BCKDHB: variants seen among roughly 807,000 people sequenced by gnomAD.
The protein encoded by BCKDHB is branched chain keto acid dehydrogenase E1 subunit beta, also known as 2-oxoisovalerate dehydrogenase subunit beta, mitochondrial.
BCKDHB carries 41 observed loss-of-function variants against 48.5 expected under a neutral mutation model. That is an observed-to-expected ratio of 0.85 (90% CI 0.66 to 1.10). The LOEUF is 1.10. BCKDHB is among the 50% of genes least tolerant of loss of function. The probability of loss-of-function intolerance (pLI) is 0.00; values close to 1 mark genes in which losing one functional copy is unlikely to be tolerated. For synonymous variants in BCKDHB, 201 were observed against 174.8 expected (o/e 1.15, Z -1.18); for missense variants, 496 against 494.2 (o/e 1.00, Z -0.03).
the BCKDHB span, among the ~76,000 whole-genome samples, chr6:80,427,830 A>AT: frequency 4.6e-5 from 7 of 151,816 alleles, no homozygotes; most frequent in Non-Finnish European, 8.8e-5. Context: ...AGTTGTTCAT[A>AT]TTTTTTTCCC....
chr6:80,224,605 A>T lies in BCKDHB; in HGVS notation c.951+21393A>T, dbSNP rs149169400. Among the ~76,000 whole-genome samples the T allele has an allele frequency of 1.6e-3, 249 of 152,260 alleles. 1 individual carries two copies. Among genetic ancestry groups the T allele is most frequent in the African/African-American group, 5.8e-3 (239 of 41,550 alleles). On this transcript the variant is annotated intron_variant, in intron 8 of 9. Transcript: ENST00000320393. ...GAGACGGGCTTTCGCCATGTTGCCT[A>T]GGCTGGTCTTGAACTCCTGAGCTCA...
chr6:80,244,229 T>C (rs1264427746), intron 8 of BCKDHB, among the ~76,000 whole-genome samples: 1 of 148,988 alleles, frequency 6.7e-6, no homozygotes, highest in African/African-American at 2.5e-5. Context: ...GTCTGGGGAC[T>C]GTGTGTGTGT....
intron 9 of BCKDHB, among the ~76,000 whole-genome samples, chr6:80,281,016 A>T (rs1778170545): frequency 7.5e-6 from 1 of 134,078 alleles, no homozygotes; most frequent in African/African-American, 2.9e-5. Context: ...TCATTGAAGA[A>T]CAGGTGTATG....
chr6:80,278,845 A>G (rs1253449683), intron 9 of BCKDHB, among the ~76,000 whole-genome samples: 1 of 152,070 alleles, frequency 6.6e-6, no homozygotes, highest in African/African-American at 2.4e-5. Context: ...CTTTCCTGGG[A>G]CGTCTCAACC....
intron 9 of BCKDHB, among the ~76,000 whole-genome samples, chr6:80,317,605 A>G (rs1268066516): frequency 6.6e-6 from 1 of 152,188 alleles, no homozygotes. Flanking sequence ...CCAGGCTACT[A>G]TTCCCATCTC....
At chr6:80,326,852 C>A (rs560850690) in intron 9 of BCKDHB, among the ~76,000 whole-genome samples, 2 of 151,718 alleles carry the variant, frequency 1.3e-5, no homozygotes, top group Non-Finnish European at 2.9e-5. Flanking sequence ...GGCAACAGAG[C>A]GAGACTCAGT....
intron 8 of BCKDHB, among the ~76,000 whole-genome samples, chr6:80,252,995 C>G (rs1370799260): frequency 6.6e-6 from 1 of 152,202 alleles, no homozygotes; most frequent in Non-Finnish European, 1.5e-5. Flanking sequence ...TCATGGCTAT[C>G]TTTTACATTG....
chr6:80,308,549 A>T (rs1224149745), intron 9 of BCKDHB, among the ~76,000 whole-genome samples: 1 of 151,836 alleles, frequency 6.6e-6, no homozygotes, highest in Non-Finnish European at 1.5e-5. Flanking sequence ...CTCAGATTAA[A>T]TGGGGAAAAA....
intron 3 of BCKDHB, among the ~76,000 whole-genome samples, chr6:80,138,770 C>T (rs1169419113): frequency 6.6e-6 from 1 of 152,140 alleles, no homozygotes; most frequent in Non-Finnish European, 1.5e-5. Context: ...CATACGTGTG[C>T]ATGTGTCTTT....
intron 6 of BCKDHB, among the ~76,000 whole-genome samples, chr6:80,187,725 A>C (rs1218701305): frequency 6.6e-6 from 1 of 152,204 alleles, no homozygotes; most frequent in Non-Finnish European, 1.5e-5. Context: ...CATACGAGAA[A>C]ATGCTCAACA....
At chr6:80,316,585 A>C (rs1768457101) in intron 9 of BCKDHB, among the ~76,000 whole-genome samples, 1 of 152,214 alleles carries the variant, frequency 6.6e-6, no homozygotes, top group African/African-American at 2.4e-5. Flanking sequence ...AATGGAGAAA[A>C]TTATGAAATC....
chr6:80,266,861 A>G (rs1435867938), intron 8 of BCKDHB, among the ~76,000 whole-genome samples: 2 of 152,070 alleles, frequency 1.3e-5, no homozygotes, highest in African/African-American at 4.8e-5. Flanking sequence ...AATATAAGCA[A>G]CATTTATTGA....
intron 8 of BCKDHB, among the ~76,000 whole-genome samples, chr6:80,246,264 A>G (rs1776607803): frequency 6.6e-6 from 1 of 152,168 alleles, no homozygotes; most frequent in African/African-American, 2.4e-5. Flanking sequence ...AGTGCATGGG[A>G]AGCATTGAGA....
At chr6:80,129,316 G>T (rs1770510230) in intron 3 of BCKDHB, 87 bp downstream of exon 3, 1 of 1,112,242 alleles carries the variant, frequency 9.0e-7, no homozygotes, top group South Asian at 1.3e-5. Flanking sequence ...TAAATTTTTT[G>T]TCATATCCCC....
At chr6:80,414,164 A>C in the BCKDHB span, among the ~76,000 whole-genome samples, 1 of 151,582 alleles carries the variant, frequency 6.6e-6, no homozygotes, top group East Asian at 1.9e-4. Context: ...TTTTTCTTGT[A>C]AATTTGTTTA....
chr6:80,222,116 C>CT (rs1473265814), intron 8 of BCKDHB, among the ~76,000 whole-genome samples: 1 of 152,184 alleles, frequency 6.6e-6, no homozygotes, highest in Non-Finnish European at 1.5e-5. Flanking sequence ...TTTCCCCACT[C>CT]TCAGGCTCCC....
At chr6:80,408,856 TTG>T in the BCKDHB span, among the ~76,000 whole-genome samples, 8 of 152,084 alleles carry the variant, frequency 5.3e-5, no homozygotes, top group Admixed American at 3.3e-4. Flanking sequence ...GAAGGGTTTT[TTG>T]TGTCTCTATC....
chr6:80,313,501 C>T (rs1302082703), intron 9 of BCKDHB, among the ~76,000 whole-genome samples: 3 of 152,090 alleles, frequency 2.0e-5, no homozygotes, highest in Non-Finnish European at 1.5e-5. Flanking sequence ...GCTGGGATTA[C>T]AGGCATCCGC....
chr6:80,422,186 G>C, the BCKDHB span, among the ~76,000 whole-genome samples: 1 of 152,170 alleles, frequency 6.6e-6, no homozygotes, highest in African/African-American at 2.4e-5. Context: ...TGGCTAAAAG[G>C]GACCAAAGTA....
Sources: allele counts gnomAD v4.1 joint callset (sites outside exome capture counted in the v4.1 genomes callset), GRCh38; gene constraint gnomAD v4.1.1; transcripts MANE v1.5; gene names NCBI Gene and HGNC (gene_info 2026-07-23, HGNC 2026-07-21).